Variants in FSTL4 observed in about 807,000 individuals in gnomAD.
FSTL4 encodes the protein follistatin like 4, also known as follistatin-related protein 4.
FSTL4 carries 28 observed loss-of-function variants against 78.2 expected under a neutral mutation model. That is an observed-to-expected ratio of 0.36 (90% CI 0.27 to 0.49). The LOEUF (loss-of-function observed/expected upper bound fraction) is 0.49, where lower values mean the gene tolerates loss of function less well. Among genes scored for constraint, FSTL4 ranks in the 20% least tolerant of loss-of-function variants. The pLI is 0.98. For synonymous variants in FSTL4, 422 were observed against 440.5 expected (o/e 0.96, Z 0.53); for missense variants, 922 against 1,084.9 (o/e 0.85, Z 2.11).
the FSTL4 span, among the ~76,000 whole-genome samples, chr5:133,633,842 G>A: frequency 6.6e-6 from 1 of 152,012 alleles, no homozygotes; most frequent in South Asian, 2.1e-4. Context: ...TCAATACTTA[G>A]TGTCCGTTGA....
Position 133,367,578 on chromosome 5 carries a change from G to A in FSTL4, c.409+33160C>T, listed in dbSNP as rs112215068. ...CAACATGTGACAAATTTCTGCTTTC[G>A]CTCCAGATCTTGGTCGGCAGCAGGC... On this transcript the variant is annotated intron_variant, in intron 4 of 15. Coordinates refer to ENST00000265342, the MANE Select transcript of FSTL4 (RefSeq NM_015082.2). 9.6e-3 allele frequency among the ~76,000 whole-genome samples: 1,455 copies of A among 152,260 alleles called. 21 individuals carry two copies. Among genetic ancestry groups the A allele is most frequent in the African/African-American group, 0.032 (1,334 of 41,542 alleles).
At chr5:133,355,688 C>G (rs550049508) in intron 4 of FSTL4, among the ~76,000 whole-genome samples, 1 of 152,102 alleles carries the variant, frequency 6.6e-6, no homozygotes, top group African/African-American at 2.4e-5. Context: ...ACAAAAAGAA[C>G]AAACAACAAC....
the FSTL4 span, among the ~76,000 whole-genome samples, chr5:133,818,053 G>A: frequency 2.6e-5 from 4 of 152,182 alleles, no homozygotes; most frequent in Non-Finnish European, 2.9e-5. Context: ...AGAGAACTTC[G>A]ATCCAAGAAT....
At chr5:133,263,962 A>C (rs1379951433) in intron 6 of FSTL4, among the ~76,000 whole-genome samples, 1 of 152,146 alleles carries the variant, frequency 6.6e-6, no homozygotes, top group Non-Finnish European at 1.5e-5. Flanking sequence ...GGGGAACTGA[A>C]CCCAATGGTG....
intron 3 of FSTL4, among the ~76,000 whole-genome samples, chr5:133,433,942 C>T (rs996995270): frequency 2.0e-5 from 3 of 151,060 alleles, no homozygotes; most frequent in East Asian, 1.9e-4. Flanking sequence ...CAGGGGCCTC[C>T]GAGCCATGGC....
chr5:133,488,962 C>T (rs529884583), intron 3 of FSTL4, among the ~76,000 whole-genome samples: 2 of 152,174 alleles, frequency 1.3e-5, no homozygotes, highest in South Asian at 4.1e-4. Context: ...ATCCAAAAGG[C>T]CATCTTGTCA....
At chr5:133,401,729 G>A (rs2126972101) in intron 3 of FSTL4, among the ~76,000 whole-genome samples, 1 of 152,274 alleles carries the variant, frequency 6.6e-6, no homozygotes. Flanking sequence ...TGTGCCAGTG[G>A]GCCCTGCAAA....
chr5:133,444,867 C>G (rs150394534), intron 3 of FSTL4, among the ~76,000 whole-genome samples: 1 of 152,240 alleles, frequency 6.6e-6, no homozygotes, highest in Non-Finnish European at 1.5e-5. Context: ...CTCCTTCCAG[C>G]TTCCATTTCT....
chr5:133,638,802 T>C, the FSTL4 span, among the ~76,000 whole-genome samples: 31 of 145,218 alleles, frequency 2.1e-4, no homozygotes, highest in African/African-American at 7.6e-4. Flanking sequence ...ATACACTGCA[T>C]ACAATTTGTA....
At chr5:133,669,310 G>A in the FSTL4 span, among the ~76,000 whole-genome samples, 1 of 152,222 alleles carries the variant, frequency 6.6e-6, no homozygotes, top group African/African-American at 2.4e-5. Flanking sequence ...GGGGCAAGAG[G>A]GAGCATGAGG....
chr5:133,443,525 T>G (rs1208123256), intron 3 of FSTL4, among the ~76,000 whole-genome samples: 2 of 152,240 alleles, frequency 1.3e-5, no homozygotes, highest in African/African-American at 4.8e-5. Context: ...GGGGAAATAC[T>G]GAGCTTTTAC....
chr5:133,504,814 G>A (rs1411477982), intron 3 of FSTL4, among the ~76,000 whole-genome samples: 1 of 152,164 alleles, frequency 6.6e-6, no homozygotes, highest in Non-Finnish European at 1.5e-5. Flanking sequence ...CTAGTCAGGT[G>A]CCCACAGCCC....
intron 4 of FSTL4, among the ~76,000 whole-genome samples, chr5:133,400,191 T>C (rs1343527553): frequency 6.6e-6 from 1 of 152,244 alleles, no homozygotes; most frequent in Non-Finnish European, 1.5e-5. Flanking sequence ...TCCACAGACA[T>C]GTTCTGATGT....
At chr5:133,668,146 G>A in the FSTL4 span, among the ~76,000 whole-genome samples, 3 of 152,198 alleles carry the variant, frequency 2.0e-5, no homozygotes, top group Non-Finnish European at 2.9e-5. Flanking sequence ...CACACAGCAT[G>A]CTGGAATACA....
the FSTL4 span, among the ~76,000 whole-genome samples, chr5:133,825,453 A>T: frequency 2.0e-5 from 3 of 152,254 alleles, no homozygotes; most frequent in African/African-American, 7.2e-5. Context: ...GCCATTTACC[A>T]CTGCATTGAC....
chr5:133,405,622 G>A (rs896999388), intron 3 of FSTL4, among the ~76,000 whole-genome samples: 8 of 152,202 alleles, frequency 5.3e-5, no homozygotes, highest in Admixed American at 3.9e-4. Flanking sequence ...TGTGGGGTGC[G>A]CATCCAGGGA....
chr5:133,703,497 T>G, the FSTL4 span, among the ~76,000 whole-genome samples: 1 of 152,208 alleles, frequency 6.6e-6, no homozygotes, highest in Non-Finnish European at 1.5e-5. Context: ...TAACGATCAC[T>G]GCAGCAGGCC....
intron 4 of FSTL4, among the ~76,000 whole-genome samples, chr5:133,382,061 C>T (rs1071117): frequency 0.94 from 142,427 of 152,258 alleles, 66,820 homozygotes; most frequent in Admixed American, 0.97. Context: ...CACTTCCTCC[C>T]GGTCATCTCA....
At chr5:133,701,676 C>G in the FSTL4 span, among the ~76,000 whole-genome samples, 1 of 152,170 alleles carries the variant, frequency 6.6e-6, no homozygotes, top group African/African-American at 2.4e-5. Flanking sequence ...ATTTCATTTT[C>G]AGATCAAAGT....
Sources: allele counts gnomAD v4.1 joint callset (sites outside exome capture counted in the v4.1 genomes callset), GRCh38; gene constraint gnomAD v4.1.1; transcripts MANE v1.5; gene names NCBI Gene and HGNC (gene_info 2026-07-23, HGNC 2026-07-21).